The following XKR9 variants were observed in gnomAD, a reference collection of about 807,000 sequenced individuals.
XKR9 encodes the protein XK-related protein 9.
XKR9 carries 32 observed loss-of-function variants against 32.0 expected under a neutral mutation model. The observed-to-expected ratio is 1.00, with a 90% CI of 0.76 to 1.34. The LOEUF is 1.34. Among genes scored for constraint, XKR9 ranks in the 40% most tolerant of loss-of-function variants. The pLI, the probability that XKR9 is intolerant of heterozygous loss-of-function variation, is 0.00. For synonymous variants in XKR9, 168 were observed against 143.4 expected, an observed-to-expected ratio of 1.17 and a Z score of -1.22; for missense variants, 546 against 429.7, an observed-to-expected ratio of 1.27 and a Z score of -2.39.
At chr8:71,062,581 T>C in the XKR9 span, among the ~76,000 whole-genome samples, 1 of 152,170 alleles carries the variant, frequency 6.6e-6, no homozygotes, top group Non-Finnish European at 1.5e-5. Flanking sequence ...GAGACATCAT[T>C]TGAGCCTCTG....
chr8:70,997,904 G>T, the XKR9 span, among the ~76,000 whole-genome samples: 1 of 152,246 alleles, frequency 6.6e-6, no homozygotes, highest in Non-Finnish European at 1.5e-5. Context: ...GATTGGGATT[G>T]TTGCTAAAAG....
chr8:70,753,957 G>A (rs916628590), intron 2 of XKR9, among the ~76,000 whole-genome samples: 4 of 116,496 alleles, frequency 3.4e-5, no homozygotes, highest in African/African-American at 1.1e-4. Context: ...ATTCAACTAG[G>A]AAAAGAGGAA....
the XKR9 span, among the ~76,000 whole-genome samples, chr8:71,061,869 C>T: frequency 1.3e-5 from 2 of 152,314 alleles, no homozygotes; most frequent in African/African-American, 4.8e-5. Context: ...ATTTAGGGTG[C>T]TATGCATAAA....
At chr8:70,806,612 A>G in the XKR9 span, among the ~76,000 whole-genome samples, 3 of 152,322 alleles carry the variant, frequency 2.0e-5, no homozygotes, top group South Asian at 6.2e-4. Context: ...TGAAAACTTC[A>G]TGAAGGATAC....
the XKR9 span, among the ~76,000 whole-genome samples, chr8:70,879,820 A>C: frequency 7.9e-5 from 12 of 152,118 alleles, no homozygotes; most frequent in African/African-American, 2.4e-4. Flanking sequence ...GAGACACAGC[A>C]AAAAAAGAGA....
the XKR9 span, among the ~76,000 whole-genome samples, chr8:70,858,760 G>T: frequency 6.6e-6 from 1 of 152,170 alleles, no homozygotes; most frequent in East Asian, 1.9e-4. Context: ...TGGGGGAAAG[G>T]ACAGTCTCTT....
chr8:70,748,490 A>G (rs1244802585), intron 2 of XKR9, among the ~76,000 whole-genome samples: 1 of 152,230 alleles, frequency 6.6e-6, no homozygotes, highest in Non-Finnish European at 1.5e-5. Flanking sequence ...AGGCACAAAC[A>G]TGCCAGCCCC....
the XKR9 span, among the ~76,000 whole-genome samples, chr8:70,967,080 T>TTTTTTTTTTTTTTTTTTTGTTGTTG: frequency 6.8e-6 from 1 of 147,384 alleles, no homozygotes; most frequent in Admixed American, 6.7e-5. Context: ...TTTTTTTTTT[T>TTTTTTTTTTTTTTTTTTTGTTGTTG]GAGATGGAGT....
At chr8:70,806,261 A>C in the XKR9 span, among the ~76,000 whole-genome samples, 2 of 150,302 alleles carry the variant, frequency 1.3e-5, no homozygotes, top group African/African-American at 2.5e-5. Context: ...ACCCATTCCA[A>C]AGGTCAGCAG....
intron 3 of XKR9, among the ~76,000 whole-genome samples, chr8:70,704,773 C>G (rs987502358): frequency 3.3e-5 from 5 of 152,186 alleles, no homozygotes; most frequent in Non-Finnish European, 7.4e-5. Context: ...ATCACATACT[C>G]TCTACTATGT....
At chr8:70,950,541 G>T in the XKR9 span, among the ~76,000 whole-genome samples, 1 of 152,162 alleles carries the variant, frequency 6.6e-6, no homozygotes, top group South Asian at 2.1e-4. Flanking sequence ...ATGGGCAGGT[G>T]ACAGGACCAG....
the XKR9 span, among the ~76,000 whole-genome samples, chr8:70,957,471 T>C: frequency 6.6e-6 from 1 of 152,126 alleles, no homozygotes; most frequent in Non-Finnish European, 1.5e-5. Context: ...CTGCACAGAT[T>C]ATCACATCGC....
the XKR9 span, among the ~76,000 whole-genome samples, chr8:70,988,134 G>A: frequency 1.2e-4 from 19 of 152,082 alleles, no homozygotes; most frequent in African/African-American, 3.6e-4. Flanking sequence ...GGGCTGCCAC[G>A]CTATAATGAG....
At chr8:70,748,938 A>T (rs1807096650) in intron 2 of XKR9, among the ~76,000 whole-genome samples, 1 of 152,036 alleles carries the variant, frequency 6.6e-6, no homozygotes, top group Non-Finnish European at 1.5e-5. Context: ...ACTCTTCAGG[A>T]TGACCTGCCT....
At chr8:70,815,190 C>G in the XKR9 span, among the ~76,000 whole-genome samples, 1 of 151,942 alleles carries the variant, frequency 6.6e-6, no homozygotes. Context: ...CTTTTAAGTT[C>G]AGGATACATG....
the XKR9 span, among the ~76,000 whole-genome samples, chr8:70,996,785 A>G: frequency 4.6e-5 from 7 of 152,162 alleles, no homozygotes; most frequent in Middle Eastern, 3.4e-3. Context: ...AGCAGGCCAT[A>G]AAAGAATTAT....
At chr8:70,732,189 C>T (rs1806691232) in intron 4 of XKR9, among the ~76,000 whole-genome samples, 1 of 152,186 alleles carries the variant, frequency 6.6e-6, no homozygotes, top group African/African-American at 2.4e-5. Flanking sequence ...GACAGACACC[C>T]CATCATGGGG....
At chr8:70,922,766 T>G in the XKR9 span, among the ~76,000 whole-genome samples, 1 of 152,190 alleles carries the variant, frequency 6.6e-6, no homozygotes, top group Non-Finnish European at 1.5e-5. Flanking sequence ...TTAGCAGTTA[T>G]TGGCATGTGT....
chr8:70,816,068 C>T, the XKR9 span, among the ~76,000 whole-genome samples: 6 of 151,826 alleles, frequency 4.0e-5, no homozygotes, highest in African/African-American at 1.2e-4. Flanking sequence ...TGCAATGAGC[C>T]GAGCTTGTGC....
Sources: allele counts gnomAD v4.1 joint callset (sites outside exome capture counted in the v4.1 genomes callset), GRCh38; gene constraint gnomAD v4.1.1; transcripts MANE v1.5; gene names NCBI Gene and HGNC (gene_info 2026-07-23, HGNC 2026-07-21).